ITPK1: variants seen among roughly 807,000 people sequenced by gnomAD.
ITPK1 encodes the protein inositol 1,3,4-trisphosphate 5/6-kinase.
A neutral mutation model predicts 45.3 loss-of-function variants in ITPK1; 21 were observed. The ratio of observed to expected loss-of-function variants is 0.46; its 90% CI spans 0.33 to 0.67. The LOEUF is 0.67. ITPK1 is among the 30% of genes least tolerant of loss of function. The pLI is 0.02. For synonymous variants in ITPK1, 258 were observed against 253.6 expected, an observed-to-expected ratio of 1.02 and a Z score of -0.16; for missense variants, 474 against 573.5, an observed-to-expected ratio of 0.83 and a Z score of 1.77.
intron 2 of ITPK1, among the ~76,000 whole-genome samples, chr14:93,080,618 G>T (rs2139990361): frequency 6.6e-6 from 1 of 152,334 alleles, no homozygotes; most frequent in South Asian, 2.1e-4. Flanking sequence ...TGCGTGTGCT[G>T]CAGTGTTAAC....
intron 2 of ITPK1, among the ~76,000 whole-genome samples, chr14:93,111,120 A>T (rs1223468280): frequency 6.6e-6 from 1 of 152,208 alleles, no homozygotes. Context: ...ATTAAAAATC[A>T]GCAATTATTA....
intron 4 of ITPK1, among the ~76,000 whole-genome samples, chr14:93,006,779 A>G (rs1328390975): frequency 1.3e-5 from 2 of 152,176 alleles, no homozygotes; most frequent in Non-Finnish European, 1.5e-5. Context: ...TACAGAGGAG[A>G]GGGCTGGAAG....
chr14:93,057,655 C>G (rs1890262980), intron 3 of ITPK1, among the ~76,000 whole-genome samples: 2 of 152,168 alleles, frequency 1.3e-5, no homozygotes, highest in Non-Finnish European at 2.9e-5. Flanking sequence ...AGCTGTCAGA[C>G]AGAGAAAGAA....
rs1349800393 is a variant in ITPK1 at position 92,936,917 on chromosome 14, G to A, written c.*4644C>T. 3 of 152,180 alleles carry A rather than the reference G, an allele frequency of 2.0e-5. No individual in the cohort carries two copies. The highest frequency in any genetic ancestry group is 4.4e-5 in the Non-Finnish European group (3 of 68,048). 9.4% of individuals were successfully genotyped at this position (152,180 alleles called of 1,614,324 possible). A position where few individuals can be genotyped will look rare whatever the true frequency, so the allele number is the denominator to read the frequency against. On this transcript the variant is annotated 3_prime_UTR_variant, in exon 11 of 11. Coordinates refer to ENST00000267615, the MANE Select transcript of ITPK1 (RefSeq NM_014216.6). The stretch of plus-strand genomic sequence containing the variant: ...AAGCACAGAAGGACACCCTCCGAAC[G>A]GCTGGCGCTATTGTTTATTTCTTCA...
At chr14:92,944,944 C>T (rs1018652287) in intron 10 of ITPK1, among the ~76,000 whole-genome samples, 10 of 152,218 alleles carry the variant, frequency 6.6e-5, no homozygotes, top group African/African-American at 1.9e-4. Context: ...GTCCTCAGTT[C>T]ACCACACGCA....
In ITPK1 at chr14:93,076,575, G is replaced by A; in HGVS notation, c.120+20C>T. 4 of 1,614,036 alleles carry A rather than the reference G, an allele frequency of 2.5e-6. No individual in the cohort carries two copies. Among genetic ancestry groups the A allele is most frequent in the Non-Finnish European group, 3.4e-6 (4 of 1,179,946 alleles). Reference sequence around the variant, plus strand: ...GGGCCCCACTACCCAAAGAACCACGGGGACGCGGTCTGTACTCACCTGCAC... The same window carrying A: ...GGGCCCCACTACCCAAAGAACCACGAGGACGCGGTCTGTACTCACCTGCAC... On this transcript the variant is annotated intron_variant, in intron 3 of 10. Coordinates refer to ENST00000267615, the MANE Select transcript of ITPK1 (RefSeq NM_014216.6). The surrounding 1 kb of genome is among the most constrained non-coding windows in gnomAD (Gnocchi z 4.3).
At chr14:93,022,585 T>C (rs534267561) in intron 3 of ITPK1, among the ~76,000 whole-genome samples, 162 of 150,738 alleles carry the variant, frequency 1.1e-3, no homozygotes, top group African/African-American at 3.7e-3. Flanking sequence ...TGATCTCCAC[T>C]CAGTGCAACC....
At position 92,941,776 on chromosome 14, in the gene ITPK1, C is replaced by G; in HGVS notation, c.1030G>C (p.Glu344Gln). 6.2e-7 allele frequency: 1 copy of G among 1,608,502 alleles called. No individual in the cohort carries two copies. The highest frequency in any genetic ancestry group is 8.5e-7 in the Non-Finnish European group (1 of 1,178,558). ...TCGCCCACCAGGCCGCCCGCCGGCT[C>G]GGCCAGAAGCTTGCTGTGCCTCAGC... ...ALLRHSKLLA[E>Q]PAGGLVGERT... Residue 344 changes from glutamate (E) to glutamine (Q), a missense_variant, in exon 11 of 11, where the codon GAG becomes CAG. Coordinates refer to ENST00000267615, the MANE Select transcript of ITPK1 (RefSeq NM_014216.6).
intron 5 of ITPK1, among the ~76,000 whole-genome samples, chr14:92,992,917 C>A (rs1455061461): frequency 6.6e-6 from 1 of 152,234 alleles, no homozygotes; most frequent in African/African-American, 2.4e-5. Flanking sequence ...AGGAGAAGGC[C>A]TAACCCAAAG....
chr14:92,941,893 C>T lies in ITPK1; in HGVS notation c.913G>A (p.Val305Met), dbSNP rs150211524. The stretch of plus-strand genomic sequence containing the variant: ...AGGAGGTCTGTGAAGAACTCGCTCA[C>T]GCCCTCGTAGCCTGGGGGTGGGAGA... ...DINAFPGYEG[V>M]SEFFTDLLNH... Residue 305 changes from valine (V) to methionine (M), a missense_variant, in exon 11 of 11, where the codon GTG becomes ATG. Transcript: ENST00000267615. 48 of 1,611,886 alleles carry T rather than the reference C, an allele frequency of 3.0e-5. No individual in the cohort carries two copies. Among genetic ancestry groups the T allele is most frequent in the East Asian group, 4.5e-5 (2 of 44,848 alleles).
chr14:92,993,849 G>C, intron 5 of ITPK1, 31 bp downstream of exon 5: 1 of 1,426,686 alleles, frequency 7.0e-7, no homozygotes, highest in Non-Finnish European at 9.9e-7. Context: ...GTGGCTGCCT[G>C]CCACGGATGT....
rs114496241 is a variant in ITPK1, at chr14:92,941,210, A to G, written c.*351T>C. On this transcript the variant is annotated 3_prime_UTR_variant, in exon 11 of 11. Transcript: ENST00000267615. ...GTCCCGGTCCACAGTGGCCATGGAG[A>G]CCAACAGACAGGGATGTGCACAGAC... 3.9e-6 allele frequency: 5 copies of G among 1,278,134 alleles called. No homozygotes were observed. The highest frequency in any genetic ancestry group is 5.0e-6 in the Non-Finnish European group (5 of 1,003,162). 79.2% of individuals were successfully genotyped at this position (1,278,134 alleles called of 1,614,324 possible).
chr14:93,083,603 TG>T (rs1891530272), intron 2 of ITPK1, among the ~76,000 whole-genome samples: 1 of 152,120 alleles, frequency 6.6e-6, no homozygotes, highest in Non-Finnish European at 1.5e-5. Context: ...TACCAGGCAC[TG>T]GGGAAAAAGC....
Position 93,010,195 on chromosome 14 carries a change from C to T in ITPK1, c.246+6481G>A, listed in dbSNP as rs145931386. On this transcript the variant is annotated intron_variant, in intron 4 of 10. Coordinates refer to ENST00000267615, the MANE Select transcript of ITPK1 (RefSeq NM_014216.6). ...CACAAAGGCAAAGCCGACACAAGCCCACTTAGATTCTACGGTGTTATTTAT... is the reference window on the plus strand; with the variant it reads ...CACAAAGGCAAAGCCGACACAAGCCTACTTAGATTCTACGGTGTTATTTAT... Among the ~76,000 whole-genome samples, 501 of 152,342 alleles carry T rather than the reference C, an allele frequency of 3.3e-3. 4 individuals carry two copies. Among genetic ancestry groups the T allele is most frequent in the African/African-American group, 0.012 (489 of 41,576 alleles).
intron 2 of ITPK1, among the ~76,000 whole-genome samples, chr14:93,113,381 C>T (rs1566792984): frequency 3.3e-5 from 5 of 152,200 alleles, no homozygotes; most frequent in Admixed American, 2.6e-4. Context: ...CTCCTAATTA[C>T]CAAGCAAAAC....
chr14:92,948,789 CCCGGGCGCCGCCCACG>C (rs1887805696), intron 9 of ITPK1, among the ~76,000 whole-genome samples: 1 of 152,110 alleles, frequency 6.6e-6, no homozygotes, highest in African/African-American at 2.4e-5. Context: ...GGGACCCACG[CCCGGGCGCCGCCCACG>C]CTCCGAGGGA....
intron 9 of ITPK1, 100 bp from the exon 10 acceptor site, chr14:92,946,593 T>A: frequency 8.3e-7 from 1 of 1,211,196 alleles, no homozygotes; most frequent in East Asian, 2.5e-5. Context: ...GGCCCTGGCA[T>A]GCTTCAGGCC....
intron 5 of ITPK1, among the ~76,000 whole-genome samples, chr14:92,975,588 T>C (rs530753463): frequency 6.6e-6 from 1 of 152,198 alleles, no homozygotes; most frequent in Non-Finnish European, 1.5e-5. Context: ...CTGAATGAGA[T>C]TAGCATTTGA....
intron 5 of ITPK1, among the ~76,000 whole-genome samples, chr14:92,971,237 G>C (rs1885638565): frequency 6.6e-6 from 1 of 152,198 alleles, no homozygotes; most frequent in African/African-American, 2.4e-5. Context: ...GGGCTGTCTG[G>C]GTTTTAATCC....
Sources: allele counts gnomAD v4.1 joint callset (sites outside exome capture counted in the v4.1 genomes callset), GRCh38; gene constraint gnomAD v4.1.1; non-coding constraint Gnocchi (gnomAD v3.1); transcripts MANE v1.5; gene names NCBI Gene and HGNC (gene_info 2026-07-23, HGNC 2026-07-21).